RAD51B: variants seen among roughly 807,000 people sequenced by gnomAD.
RAD51B encodes DNA repair protein RAD51 homolog 2.
Under a neutral mutation model 42.2 loss-of-function variants are expected in RAD51B, and 38 were observed. The observed-to-expected ratio is 0.90, with a 90% CI of 0.70 to 1.18. The LOEUF (loss-of-function observed/expected upper bound fraction) is 1.18, where lower values mean the gene tolerates loss of function less well. Ranked by LOEUF, RAD51B falls within the 50% of genes most tolerant of loss-of-function variation. The pLI, the probability that RAD51B is intolerant of heterozygous loss-of-function variation, is 0.00. For missense variants in RAD51B, 373 were observed against 400.7 expected, an observed-to-expected ratio of 0.93 and a Z score of 0.59; for synonymous variants, 154 against 145.2, an observed-to-expected ratio of 1.06 and a Z score of -0.43.
At chr14:68,541,648 C>G (rs1028924499) in intron 10 of RAD51B, 2 of 985,432 alleles carry the variant, frequency 2.0e-6, no homozygotes, top group Non-Finnish European at 2.4e-6. Flanking sequence ...GCTGTATTGT[C>G]AGTGCAATCC....
intron 7 of RAD51B, among the ~76,000 whole-genome samples, chr14:68,163,624 T>TG (rs1283095954): frequency 2.6e-5 from 4 of 152,218 alleles, no homozygotes; most frequent in Non-Finnish European, 2.9e-5. Context: ...AACGCCTGCC[T>TG]TCTTCTGTTT....
In RAD51B at chr14:68,421,561, A is replaced by G. The variant is rs1216020467; in HGVS notation, c.957+10034A>G. The G allele has an allele frequency of 5.1e-5, 35 of 680,378 alleles. No individual in the cohort carries two copies. The East Asian group carries it at 8.5e-4, about 17-fold the overall frequency. The allele number at this position is 680,378 out of a possible 1,614,324, so 42.1% of individuals were successfully genotyped here. A position where few individuals can be genotyped will look rare whatever the true frequency, so the allele number is the denominator to read the frequency against. ...ATCCATCTAGGCATGGGAGGGAACA[A>G]GGAAAACATGGAACCCAAAGGGAAC... On this transcript the variant is annotated intron_variant, in intron 9 of 10. Transcript: ENST00000471583.
intron 10 of RAD51B, among the ~76,000 whole-genome samples, chr14:68,609,951 C>G (rs1233667288): frequency 6.6e-6 from 1 of 152,088 alleles, no homozygotes; most frequent in Admixed American, 6.5e-5. Context: ...TTACCTGCTC[C>G]TCTGCTGGCC....
intron 5 of RAD51B, among the ~76,000 whole-genome samples, chr14:67,879,213 C>T (rs1338818312): frequency 6.6e-6 from 1 of 152,208 alleles, no homozygotes; most frequent in African/African-American, 2.4e-5. Context: ...GGAATTTCAT[C>T]TTTTTAAAGG....
At chr14:68,509,137 G>C (rs1421859417) in intron 10 of RAD51B, among the ~76,000 whole-genome samples, 1 of 152,266 alleles carries the variant, frequency 6.6e-6, no homozygotes, top group Non-Finnish European at 1.5e-5. Context: ...CCTGGATAAA[G>C]GTGGTTTTCA....
At chr14:68,629,163 C>G (rs1204834234) in intron 10 of RAD51B, among the ~76,000 whole-genome samples, 6 of 152,180 alleles carry the variant, frequency 3.9e-5, no homozygotes, top group Admixed American at 3.9e-4. Context: ...GTCCCTCCCT[C>G]CTGAGGTTGG....
intron 7 of RAD51B, among the ~76,000 whole-genome samples, chr14:68,072,299 A>C (rs1362526515): frequency 6.7e-6 from 1 of 149,634 alleles, no homozygotes. Context: ...TATATATAGG[A>C]GTTTATTAAG....
chr14:68,606,262 A>AC (rs2140100790), intron 10 of RAD51B, among the ~76,000 whole-genome samples: 1 of 152,202 alleles, frequency 6.6e-6, no homozygotes, highest in East Asian at 1.9e-4. Flanking sequence ...AGGCTCGAAT[A>AC]CCCATTAGGA....
intron 7 of RAD51B, among the ~76,000 whole-genome samples, chr14:67,985,368 G>A (rs935820925): frequency 6.6e-6 from 1 of 152,148 alleles, no homozygotes; most frequent in African/African-American, 2.4e-5. Context: ...AAGAGACTCA[G>A]CACAAAAGAG....
chr14:68,630,617 C>T (rs2140122419), intron 10 of RAD51B, among the ~76,000 whole-genome samples: 1 of 152,310 alleles, frequency 6.6e-6, no homozygotes, highest in East Asian at 1.9e-4. Context: ...TATAGCAGTG[C>T]CTGCCCATCT....
chr14:68,509,616 C>A (rs1384152315), intron 10 of RAD51B, among the ~76,000 whole-genome samples: 2 of 152,166 alleles, frequency 1.3e-5, no homozygotes, highest in African/African-American at 4.8e-5. Context: ...TGGAGTAAAT[C>A]CTAAATCCAT....
At chr14:68,251,193 G>T (rs567287465) in intron 7 of RAD51B, among the ~76,000 whole-genome samples, 8 of 149,072 alleles carry the variant, frequency 5.4e-5, no homozygotes, top group Non-Finnish European at 7.5e-5. Flanking sequence ...ACCTTTCAAG[G>T]AGGAATTAAA....
intron 7 of RAD51B, among the ~76,000 whole-genome samples, chr14:68,178,864 C>CA (rs1382587871): frequency 6.6e-6 from 1 of 151,910 alleles, no homozygotes; most frequent in Non-Finnish European, 1.5e-5. Flanking sequence ...ACCTGAAAAA[C>CA]AAAAAATCAT....
At chr14:68,100,561 A>G (rs2077271712) in intron 7 of RAD51B, among the ~76,000 whole-genome samples, 2 of 152,150 alleles carry the variant, frequency 1.3e-5, no homozygotes, top group Admixed American at 6.5e-5. Flanking sequence ...CCTTGAGGTC[A>G]GGTAGTACTT....
intron 8 of RAD51B, among the ~76,000 whole-genome samples, chr14:68,390,613 G>C (rs2083718660): frequency 6.6e-6 from 1 of 152,228 alleles, no homozygotes; most frequent in Non-Finnish European, 1.5e-5. Context: ...GAAAGGTAGA[G>C]AATATACTGT....
At chr14:68,385,823 G>C (rs2083583135) in intron 8 of RAD51B, among the ~76,000 whole-genome samples, 1 of 152,136 alleles carries the variant, frequency 6.6e-6, no homozygotes, top group Admixed American at 6.5e-5. Flanking sequence ...TTTATATGTT[G>C]TCAGACACTA....
chr14:67,978,022 A>G (rs2075026808), intron 7 of RAD51B, among the ~76,000 whole-genome samples: 1 of 152,010 alleles, frequency 6.6e-6, no homozygotes, highest in East Asian at 1.9e-4. Context: ...CATAGGTAGA[A>G]TGTTTGGTTT....
At chr14:67,957,985 G>C (rs2074585144) in intron 7 of RAD51B, among the ~76,000 whole-genome samples, 1 of 152,138 alleles carries the variant, frequency 6.6e-6, no homozygotes, top group African/African-American at 2.4e-5. Context: ...ACCAATTACA[G>C]AGAATATTAT....
chr14:68,017,386 A>G (rs1008536061), intron 7 of RAD51B, among the ~76,000 whole-genome samples: 6 of 151,832 alleles, frequency 4.0e-5, no homozygotes, highest in Admixed American at 1.3e-4. Context: ...AGTAGAGACA[A>G]GGTTTCACCG....
Sources: allele counts gnomAD v4.1 joint callset (sites outside exome capture counted in the v4.1 genomes callset), GRCh38; gene constraint gnomAD v4.1.1; transcripts MANE v1.5; gene names NCBI Gene and HGNC (gene_info 2026-07-23, HGNC 2026-07-21).